The following ZNF749 variants were observed in gnomAD, a reference collection of about 807,000 sequenced individuals.
ZNF749 encodes the protein zinc finger protein 749.
Under a neutral mutation model 7.3 loss-of-function variants are expected in ZNF749, and 8 were observed. That is an observed-to-expected ratio of 1.10 (90% CI 0.64 to 1.98). ZNF749 has a LOEUF of 1.98. Among genes scored for constraint, ZNF749 ranks in the 30% most tolerant of loss-of-function variants. The probability of loss-of-function intolerance (pLI) is 0.00; values close to 1 mark genes in which losing one functional copy is unlikely to be tolerated. For synonymous variants in ZNF749, 310 were observed against 322.4 expected (o/e 0.96, Z 0.41); for missense variants, 898 against 932.4 (o/e 0.96, Z 0.48).
rs752866645 is a variant in ZNF749 at position 57,444,883 on chromosome 19, A to T, written c.1735A>T (p.Thr579Ser). Reference sequence around the variant, plus strand: ...TCTAGATGGTCACCAGAAAATCCAGACTGGAGAACGGCGTTATGAATGCAA... The same window carrying T: ...TCTAGATGGTCACCAGAAAATCCAGTCTGGAGAACGGCGTTATGAATGCAA... Reference protein sequence around the residue: ...AHLDGHQKIQTGERRYECNEC... With the variant: ...AHLDGHQKIQSGERRYECNEC... Residue 579 changes from threonine to serine, a missense_variant, in exon 3 of 3, where the codon ACT becomes TCT. Coordinates refer to ENST00000334181, the MANE Select transcript of ZNF749 (RefSeq NM_001023561.4). The T allele has an allele frequency of 1.9e-6, 3 of 1,614,212 alleles. No individual in the cohort carries two copies. The South Asian group carries it at 3.3e-5, about 18-fold the overall frequency.
In ZNF749 at chr19:57,442,130, T is replaced by C; in HGVS notation, c.142+119T>C. ...AGTGCTACGTCCTGTCCTCTCCTGG[T>C]TTCCTGGCAAATGTGATAAGGCAGC... On this transcript the variant is annotated intron_variant, in intron 2 of 2. Transcript: ENST00000334181. The surrounding 1 kb of genome is among the most constrained non-coding windows in gnomAD (Gnocchi z 6.6). 2.9e-6 allele frequency: 4 copies of C among 1,371,114 alleles called. No homozygotes were observed. Among genetic ancestry groups the C allele is most frequent in the African/African-American group, 1.4e-5 (1 of 69,024 alleles). The allele number at this position is 1,371,114 out of a possible 1,614,324, so 84.9% of individuals were successfully genotyped here. A position where few individuals can be genotyped will look rare whatever the true frequency, so the allele number is the denominator to read the frequency against.
In ZNF749 at chr19:57,444,026, G is replaced by A. The variant is rs778898753; in HGVS notation, c.878G>A (p.Ser293Asn). Residue 293 changes from serine to asparagine, a missense_variant, in exon 3 of 3, where the codon AGT (serine) becomes AAT (asparagine). By Grantham distance (46) the Ser-to-Asn change is conservative. Transcript: ENST00000334181. Reference protein sequence around the residue: ...SDPIEHQEILSRPTPYECTQC... With the variant: ...SDPIEHQEILNRPTPYECTQC... Reference sequence around the variant, plus strand: ...CCCATTGAACATCAGGAGATTCTCAGTAGACCAACACCTTATGAATGCACC... The same window carrying A: ...CCCATTGAACATCAGGAGATTCTCAATAGACCAACACCTTATGAATGCACC... The A allele has an allele frequency of 8.1e-6, 13 of 1,613,850 alleles. No homozygotes were observed. The highest frequency in any genetic ancestry group is 1.1e-5 in the Non-Finnish European group (13 of 1,179,910).
intron 2 of ZNF749, 131 bp from the exon 3 acceptor site, chr19:57,443,160 C>G (rs1161654226): frequency 8.0e-6 from 6 of 748,386 alleles, no homozygotes; most frequent in Non-Finnish European, 1.1e-5. Flanking sequence ...CTTCCTCTCA[C>G]TGGCCTTATT....
Position 57,439,030 on chromosome 19 carries a change from G to A in ZNF749, c.16-2855G>A, listed in dbSNP as rs2088962053. On this transcript the variant is annotated intron_variant, in intron 1 of 2. Coordinates refer to ENST00000334181, the MANE Select transcript of ZNF749 (RefSeq NM_001023561.4). The surrounding 1 kb of genome is among the most constrained non-coding windows in gnomAD (Gnocchi z 4.3). The stretch of plus-strand genomic sequence containing the variant: ...GATCGGCATGGAATGGCAGTCTAAG[G>A]TTCTGGGCCTTTCATCTGAGGGCGA... Among the ~76,000 whole-genome samples the A allele has an allele frequency of 1.3e-5, 2 of 152,172 alleles. No homozygotes were observed. Among genetic ancestry groups the A allele is most frequent in the Admixed American group, 6.5e-5 (1 of 15,286 alleles).
At chr19:57,432,245 T>C (rs1368575661), upstream of ZNF749, among the ~76,000 whole-genome samples, 3 of 151,150 alleles carry the variant, frequency 2.0e-5, no homozygotes, top group Non-Finnish European at 2.9e-5. Flanking sequence ...AATGGTGTGA[T>C]ACTATCAAGG....
At chr19:57,443,121 C>T (rs181372468) in intron 2 of ZNF749, among the ~76,000 whole-genome samples, 170 bp from the exon 3 acceptor site, 1 of 152,356 alleles carries the variant, frequency 6.6e-6, no homozygotes. Context: ...ACTACACACA[C>T]TTCACAGGCC....
At chr19:57,435,686 T>C in intron 1 of ZNF749, 93 bp downstream of exon 1, 1 of 1,524,834 alleles carries the variant, frequency 6.6e-7, no homozygotes, top group Non-Finnish European at 8.8e-7. Context: ...CTTGTGTCTC[T>C]AAGAGAGGGG....
rs2088997560 is a variant in ZNF749, at chr19:57,442,134, C to T, written c.142+123C>T. 1 of 1,341,024 alleles carries T rather than the reference C, an allele frequency of 7.5e-7. No homozygotes were observed. Among genetic ancestry groups the T allele is most frequent in the Middle Eastern group, 1.9e-4 (1 of 5,314 alleles). 83.1% of individuals were successfully genotyped at this position (1,341,024 alleles called of 1,614,324 possible). On this transcript the variant is annotated intron_variant, in intron 2 of 2. Coordinates refer to ENST00000334181, the MANE Select transcript of ZNF749 (RefSeq NM_001023561.4). This position sits in a 1 kb window ranked among gnomAD's most constrained non-coding sequence, Gnocchi z 6.6. ...CTACGTCCTGTCCTCTCCTGGTTTCCTGGCAAATGTGATAAGGCAGCCAGA... is the reference window on the plus strand; with the variant it reads ...CTACGTCCTGTCCTCTCCTGGTTTCTTGGCAAATGTGATAAGGCAGCCAGA...
At chr19:57,440,255 G>A (rs183569066) in intron 1 of ZNF749, among the ~76,000 whole-genome samples, 1 of 152,230 alleles carries the variant, frequency 6.6e-6, no homozygotes, top group Non-Finnish European at 1.5e-5. Flanking sequence ...TCAGCAAGGA[G>A]CATTGCTAGG....
upstream of ZNF749, among the ~76,000 whole-genome samples, chr19:57,434,299 G>A (rs1234789983): frequency 1.3e-5 from 2 of 152,250 alleles, no homozygotes; most frequent in East Asian, 3.9e-4. Context: ...GTTTCTACAT[G>A]TTGGTCAGGC....
At position 57,442,066 on chromosome 19, in the gene ZNF749, T is replaced by C; in HGVS notation, c.142+55T>C. On this transcript the variant is annotated intron_variant, in intron 2 of 2. Coordinates refer to ENST00000334181, the MANE Select transcript of ZNF749 (RefSeq NM_001023561.4). The surrounding 1 kb of genome is among the most constrained non-coding windows in gnomAD (Gnocchi z 6.6). The stretch of plus-strand genomic sequence containing the variant: ...TGTGCTGGGTGCTGTTTTTTTGCTC[T>C]TTTCCATGACAACTCTGTCTTTCCC... 1.3e-6 allele frequency: 2 copies of C among 1,591,984 alleles called. No homozygotes were observed. The highest frequency in any genetic ancestry group is 1.7e-6 in the Non-Finnish European group (2 of 1,168,462).
intron 1 of ZNF749, among the ~76,000 whole-genome samples, chr19:57,440,457 T>A (rs565296879): frequency 1.8e-4 from 28 of 151,742 alleles, no homozygotes; most frequent in African/African-American, 6.5e-4. Context: ...GGGGCTGAGG[T>A]TAAACCAGAA....
the ZNF749 span, among the ~76,000 whole-genome samples, chr19:57,429,413 C>A: frequency 6.6e-6 from 1 of 152,134 alleles, no homozygotes; most frequent in African/African-American, 2.4e-5. This position sits in a 1 kb window ranked among gnomAD's most constrained non-coding sequence, Gnocchi z 4.2. Flanking sequence ...ACTTTAATTT[C>A]TTTTTGTATA....
chr19:57,441,042 C>T (rs1441531010), intron 1 of ZNF749, among the ~76,000 whole-genome samples: 1 of 137,342 alleles, frequency 7.3e-6, no homozygotes, highest in Admixed American at 8.1e-5. Flanking sequence ...AGGAGAATTG[C>T]TTGAACCTGG....
intron 1 of ZNF749, chr19:57,438,001 A>T: frequency 2.5e-6 from 1 of 398,242 alleles, no homozygotes; most frequent in Admixed American, 4.4e-5. Flanking sequence ...GTAGCTTCAG[A>T]TTACTTTGCT....
chr19:57,444,923 T>G lies in ZNF749; in HGVS notation c.1775T>G (p.Phe592Cys). Residue 592 changes from phenylalanine (F) to cysteine (C), a missense_variant, in exon 3 of 3, where the codon TTC becomes TGC. By Grantham distance (205) the Phe-to-Cys change is radical. Coordinates refer to ENST00000334181, the MANE Select transcript of ZNF749 (RefSeq NM_001023561.4). ...RRYECNECGK[F>C]FLDSYKLVIH... ...TATGAATGCAATGAATGTGGGAAAT[T>G]CTTTTTGGACAGCTACAAACTTGTT... The G allele has an allele frequency of 1.2e-6, 2 of 1,613,924 alleles. No homozygotes were observed. Among genetic ancestry groups the G allele is most frequent in the Non-Finnish European group, 1.7e-6 (2 of 1,179,958 alleles).
chr19:57,442,023 A>G lies in ZNF749; in HGVS notation c.142+12A>G. 6.2e-7 allele frequency: 1 copy of G among 1,613,032 alleles called. No individual in the cohort carries two copies. Among genetic ancestry groups the G allele is most frequent in the Non-Finnish European group, 8.5e-7 (1 of 1,179,542 alleles). ...TTTGTCATCAGTAGGTAAGGCCTTC[A>G]TACCTACTCTGGTGTCTTGTGCTGG... is the stretch of plus-strand genomic sequence containing the variant. On this transcript the variant is annotated intron_variant, in intron 2 of 2. Coordinates refer to ENST00000334181, the MANE Select transcript of ZNF749 (RefSeq NM_001023561.4). This position sits in a 1 kb window ranked among gnomAD's most constrained non-coding sequence, Gnocchi z 6.6.
intron 1 of ZNF749, among the ~76,000 whole-genome samples, chr19:57,441,436 A>C (rs1323859865): frequency 3.9e-5 from 6 of 152,170 alleles, no homozygotes; most frequent in African/African-American, 1.4e-4. Context: ...TGGCATTGAA[A>C]TAATTTTAAT....
At position 57,445,564 on chromosome 19, in the gene ZNF749, A is replaced by C. The variant is rs1600107994; in HGVS notation, c.*79A>C. On this transcript the variant is annotated 3_prime_UTR_variant, in exon 3 of 3. Coordinates refer to ENST00000334181, the MANE Select transcript of ZNF749 (RefSeq NM_001023561.4). ...GTTCACATCGGACCAAGAACCTATTAATATATGTAAATCTAATGTTGAAAG... is the reference window on the plus strand; with the variant it reads ...GTTCACATCGGACCAAGAACCTATTCATATATGTAAATCTAATGTTGAAAG... 6.6e-7 allele frequency: 1 copy of C among 1,516,334 alleles called. No homozygotes were observed. Among genetic ancestry groups the C allele is most frequent in the East Asian group, 2.3e-5 (1 of 44,102 alleles). The allele number at this position is 1,516,334 out of a possible 1,614,324, so 93.9% of individuals were successfully genotyped here.
Sources: gnomAD v4.1 joint callset for allele counts (sites outside exome capture counted in the v4.1 genomes callset) on GRCh38, gnomAD v4.1.1 for gene constraint, Gnocchi (gnomAD v3.1) non-coding constraint, MANE v1.5 for transcripts, NCBI Gene and HGNC (gene_info 2026-07-23, HGNC 2026-07-21) for gene names.